SNX4: variants seen among roughly 807,000 people sequenced by gnomAD.
SNX4 encodes sorting nexin 4.
SNX4 carries 49 observed loss-of-function variants against 70.8 expected under a neutral mutation model. The observed-to-expected ratio is 0.69, with a 90% CI of 0.55 to 0.88. The LOEUF (loss-of-function observed/expected upper bound fraction) is 0.88, where lower values mean the gene tolerates loss of function less well. Among genes scored for constraint, SNX4 ranks in the 40% least tolerant of loss-of-function variants. SNX4 has a pLI of 0.00. For missense variants in SNX4, 528 were observed against 544.8 expected (o/e 0.97, Z 0.31); for synonymous variants, 206 against 183.8 (o/e 1.12, Z -0.98).
In SNX4 at chr3:125,504,608, A is replaced by C; in HGVS notation, c.263+15T>G. ...CTTTCTGTCTACCTGCCCAGGTGTAATTTCTGTTACCCACCTTGTTTCAAT... is the reference window on the plus strand; with the variant it reads ...CTTTCTGTCTACCTGCCCAGGTGTACTTTCTGTTACCCACCTTGTTTCAAT... On this transcript the variant is annotated intron_variant, in intron 2 of 13. Coordinates refer to ENST00000251775, the MANE Select transcript of SNX4 (RefSeq NM_003794.4). The C allele has an allele frequency of 6.2e-7, 1 of 1,607,710 alleles. No homozygotes were observed. Among genetic ancestry groups the C allele is most frequent in the East Asian group, 2.2e-5 (1 of 44,684 alleles).
chr3:125,453,427 T>C (rs1366724216), intron 12 of SNX4, among the ~76,000 whole-genome samples: 1 of 152,208 alleles, frequency 6.6e-6, no homozygotes, highest in African/African-American at 2.4e-5. Flanking sequence ...GAAACTTTTA[T>C]TTCTCTTTCC....
intron 1 of SNX4, among the ~76,000 whole-genome samples, chr3:125,517,945 C>T (rs1935317154): frequency 6.6e-6 from 1 of 151,896 alleles, no homozygotes; most frequent in Non-Finnish European, 1.5e-5. Flanking sequence ...CCACTGCACT[C>T]CAGCCTGGGT....
At chr3:125,474,296 T>C (rs1489461276) in intron 8 of SNX4, among the ~76,000 whole-genome samples, 1 of 151,992 alleles carries the variant, frequency 6.6e-6, no homozygotes, top group African/African-American at 2.4e-5. Flanking sequence ...TGTCGTAAGA[T>C]GTTTTTATTT....
chr3:125,475,159 T>C (rs1240971296), intron 8 of SNX4, among the ~76,000 whole-genome samples: 1 of 152,162 alleles, frequency 6.6e-6, no homozygotes, highest in Admixed American at 6.5e-5. Context: ...CCTTGATCTG[T>C]CTCAACTGAC....
chr3:125,498,080 C>T lies in SNX4; in HGVS notation c.378G>A (p.Val126=), dbSNP rs1934839833. The change falls in exon 3 of 14, where the codon GTG becomes GTA. Residue 126 remains valine, a synonymous_variant. Coordinates refer to ENST00000251775, the MANE Select transcript of SNX4 (RefSeq NM_003794.4). ...TTACCCGTTTTTCTGGCAGAGGTGG[C>T]ACAACAATATGTGGATAGTAAACTA... The part of the protein sequence containing the change: ...YLLVYYPHIV[V]PPLPEKRAEF... The T allele has an allele frequency of 6.2e-7, 1 of 1,613,978 alleles. No individual in the cohort carries two copies. The highest frequency in any genetic ancestry group is 1.1e-5 in the South Asian group (1 of 91,068).
chr3:125,456,950 C>A (rs371900057), intron 11 of SNX4, among the ~76,000 whole-genome samples: 1 of 146,808 alleles, frequency 6.8e-6, no homozygotes, highest in African/African-American at 2.6e-5. Context: ...TGTGAGCCAC[C>A]GTGCCCAGCC....
At chr3:125,494,316 G>A (rs2107556721) in intron 5 of SNX4, among the ~76,000 whole-genome samples, 1 of 152,166 alleles carries the variant, frequency 6.6e-6, no homozygotes, top group Non-Finnish European at 1.5e-5. Flanking sequence ...TAATTAAGGA[G>A]GGCTTTCAGT....
chr3:125,493,318 C>T (rs979596287), intron 5 of SNX4, among the ~76,000 whole-genome samples: 2 of 152,020 alleles, frequency 1.3e-5, no homozygotes, highest in African/African-American at 2.4e-5. Flanking sequence ...GATGAAAAAA[C>T]TGGTTGCTCA....
Position 125,460,748 on chromosome 3 carries a change from C to T in SNX4, c.944+23G>A, listed in dbSNP as rs746587423. 4.8e-6 allele frequency: 6 copies of T among 1,243,004 alleles called. No individual in the cohort carries two copies. In the East Asian group the frequency reaches 1.5e-4, roughly 30 times the overall value. 77.0% of individuals were successfully genotyped at this position (1,243,004 alleles called of 1,614,324 possible). A position where few individuals can be genotyped will look rare whatever the true frequency, so the allele number is the denominator to read the frequency against. On this transcript the variant is annotated intron_variant, in intron 10 of 13. Coordinates refer to ENST00000251775, the MANE Select transcript of SNX4 (RefSeq NM_003794.4). ...AGTGGTGAACAACCCTGTGGCTGCA[C>T]CTGGAACTTTTATTAAACTTACCGC...
intron 1 of SNX4, among the ~76,000 whole-genome samples, chr3:125,505,077 C>G (rs1272829957): frequency 6.6e-6 from 1 of 152,198 alleles, no homozygotes; most frequent in East Asian, 1.9e-4. Context: ...TCAAGGGATT[C>G]TCCTGCCTCA....
intron 1 of SNX4, among the ~76,000 whole-genome samples, chr3:125,505,162 GTT>G (rs1935020677): frequency 6.6e-6 from 1 of 152,134 alleles, no homozygotes; most frequent in African/African-American, 2.4e-5. Flanking sequence ...TAGAAACTGG[GTT>G]TCACCATGTT....
chr3:125,478,831 A>G (rs1934343750), intron 7 of SNX4, among the ~76,000 whole-genome samples: 1 of 152,088 alleles, frequency 6.6e-6, no homozygotes, highest in Admixed American at 6.6e-5. Context: ...CACGAGAACT[A>G]TTGCCTAATT....
intron 8 of SNX4, 47 bp from the exon 9 acceptor site, chr3:125,469,566 G>A: frequency 8.0e-7 from 1 of 1,253,622 alleles, no homozygotes; most frequent in South Asian, 1.2e-5. Flanking sequence ...TTAGAGATAT[G>A]GAATAGTATT....
chr3:125,454,354 C>T (rs746991090), intron 11 of SNX4, among the ~76,000 whole-genome samples: 9 of 152,198 alleles, frequency 5.9e-5, no homozygotes, highest in Non-Finnish European at 1.2e-4. Context: ...AGCACGAACC[C>T]TATTGTGAAC....
At chr3:125,478,372 C>G (rs7622489) in intron 7 of SNX4, among the ~76,000 whole-genome samples, 69,030 of 151,158 alleles carry the variant, frequency 0.46, 15,920 homozygotes, top group Admixed American at 0.52. Flanking sequence ...GCCTGGCCCC[C>G]AAGTATTTTT....
At chr3:125,514,990 T>TAGAAA (rs72276000) in intron 1 of SNX4, among the ~76,000 whole-genome samples, 75,113 of 151,596 alleles carry the variant, frequency 0.5, 19,097 homozygotes, top group African/African-American at 0.62. Context: ...TTTAAAAATA[T>TAGAAA]AGAAAAATAT....
chr3:125,451,463 A>G (rs1395392918), intron 12 of SNX4, 44 bp from the exon 13 acceptor site: 1 of 1,415,898 alleles, frequency 7.1e-7, no homozygotes, highest in East Asian at 2.3e-5. Context: ...AAGTTAAATA[A>G]ACTGTGTACT....
At chr3:125,484,038 A>G (rs1934471718) in intron 6 of SNX4, among the ~76,000 whole-genome samples, 1 of 152,208 alleles carries the variant, frequency 6.6e-6, no homozygotes, top group South Asian at 2.1e-4. Flanking sequence ...CCATACTAGG[A>G]AGATGGTGAC....
At chr3:125,476,634 A>C (rs1165656616) in intron 8 of SNX4, 61 bp downstream of exon 8, 1 of 978,420 alleles carries the variant, frequency 1.0e-6, no homozygotes, top group African/African-American at 1.6e-5. Context: ...TTCAAGAATT[A>C]TTGTTTTCAG....
Sources: gnomAD v4.1 joint callset for allele counts (sites outside exome capture counted in the v4.1 genomes callset) on GRCh38, gnomAD v4.1.1 for gene constraint, MANE v1.5 for transcripts, NCBI Gene and HGNC (gene_info 2026-07-23, HGNC 2026-07-21) for gene names.